OR1J2: variants seen among roughly 807,000 people sequenced by gnomAD.
OR1J2 encodes olfactory receptor 1J2.
For missense variants in OR1J2, 304 were observed against 246.1 expected (o/e 1.24, Z -1.57); for synonymous variants, 142 against 99.7 (o/e 1.42, Z -2.52).
downstream of OR1J2, among the ~76,000 whole-genome samples, chr9:122,512,894 TATA>T (rs1828656839): frequency 6.6e-6 from 1 of 152,194 alleles, no homozygotes; most frequent in Admixed American, 6.5e-5. Context: ...TCACGTGAGC[TATA>T]ATAACTCTAA....
chr9:122,516,593 G>A (rs1043032587), downstream of OR1J2, among the ~76,000 whole-genome samples: 9 of 152,112 alleles, frequency 5.9e-5, no homozygotes, highest in Admixed American at 1.3e-4. Context: ...GTGAGCCACC[G>A]CGCCCGGCCC....
the OR1J2 span, chr9:122,554,282 G>A: frequency 2.8e-5 from 19 of 688,762 alleles, no homozygotes; most frequent in African/African-American, 3.8e-4. Context: ...CTCTGAGTTA[G>A]GGATGTAAAA....
At chr9:122,542,944 T>G in the OR1J2 span, among the ~76,000 whole-genome samples, 4 of 152,252 alleles carry the variant, frequency 2.6e-5, no homozygotes, top group African/African-American at 9.6e-5. Context: ...TGTATGTCAG[T>G]AACGTATGTT....
chr9:122,526,597 C>T, the OR1J2 span: 14 of 1,614,036 alleles, frequency 8.7e-6, no homozygotes, highest in South Asian at 1.3e-4. Flanking sequence ...AAGGCCTTGC[C>T]CACCCCACCA....
At chr9:122,516,343 G>A (rs1828699653), downstream of OR1J2, among the ~76,000 whole-genome samples, 1 of 124,788 alleles carries the variant, frequency 8.0e-6, no homozygotes, top group Non-Finnish European at 1.6e-5. Flanking sequence ...TCGCTCTGTC[G>A]CCCAGGCTGG....
chr9:122,557,564 A>G, the OR1J2 span, among the ~76,000 whole-genome samples: 2 of 152,002 alleles, frequency 1.3e-5, no homozygotes, highest in African/African-American at 4.8e-5. Flanking sequence ...TCCCACTTGG[A>G]TATGGTGTAT....
chr9:122,544,680 A>T, the OR1J2 span, among the ~76,000 whole-genome samples: 1 of 152,116 alleles, frequency 6.6e-6, no homozygotes, highest in Non-Finnish European at 1.5e-5. Flanking sequence ...CGGCCTCCCA[A>T]AGCAAAATAT....
the OR1J2 span, among the ~76,000 whole-genome samples, chr9:122,467,722 C>T: frequency 1.3e-5 from 2 of 152,122 alleles, no homozygotes; most frequent in Admixed American, 1.3e-4. Context: ...TTCTCTGTAC[C>T]AGTCTTTGGA....
At chr9:122,572,468 A>G in the OR1J2 span, among the ~76,000 whole-genome samples, 1 of 152,196 alleles carries the variant, frequency 6.6e-6, no homozygotes, top group Non-Finnish European at 1.5e-5. Context: ...TCACGGGGAA[A>G]AAGGAAGAAG....
At chr9:122,533,382 T>C in the OR1J2 span, among the ~76,000 whole-genome samples, 2 of 152,110 alleles carry the variant, frequency 1.3e-5, no homozygotes, top group African/African-American at 4.8e-5. Context: ...AGATGGGATA[T>C]TGGCATTGAG....
the OR1J2 span, among the ~76,000 whole-genome samples, chr9:122,470,064 C>T: frequency 6.6e-6 from 1 of 152,204 alleles, no homozygotes; most frequent in African/African-American, 2.4e-5. Flanking sequence ...GAAATTCAAG[C>T]TGGCTGCAGA....
At chr9:122,526,134 A>G in the OR1J2 span, among the ~76,000 whole-genome samples, 1 of 152,212 alleles carries the variant, frequency 6.6e-6, no homozygotes, top group African/African-American at 2.4e-5. Context: ...ACTGTTATTC[A>G]CTACTATACT....
the OR1J2 span, among the ~76,000 whole-genome samples, chr9:122,536,020 G>T: frequency 6.6e-6 from 1 of 152,176 alleles, no homozygotes; most frequent in African/African-American, 2.4e-5. Context: ...ATCAGTGAAG[G>T]CAGGAACAGG....
Position 122,511,224 on chromosome 9 carries a change from T to A in OR1J2, c.423T>A (p.Cys141Ter), listed in dbSNP as rs553466679. The A allele has an allele frequency of 1.3e-6, 1 of 752,752 alleles. No homozygotes were observed. The highest frequency in any genetic ancestry group is 2.5e-6 in the Non-Finnish European group (1 of 405,642). 46.6% of individuals were successfully genotyped at this position (752,752 alleles called of 1,614,324 possible). A position where few individuals can be genotyped will look rare whatever the true frequency, so the allele number is the denominator to read the frequency against. Residue 141 changes from cysteine to a stop codon, truncating the protein, a stop_gained, in exon 1 of 1, where the codon TGT (cysteine) becomes TGA (stop). Coordinates refer to ENST00000335302, the MANE Select transcript of OR1J2 (RefSeq NM_054107.1). LOFTEE classifies it low-confidence loss of function (END_TRUNC). The part of the protein sequence containing the change: ...HYTVIMREEL[C>*]VFLVAVSWIL... ...CTGTCATCATGAGGGAAGAGCTCTG[T>A]GTCTTCTTAGTGGCTGTATCTTGGA...
the OR1J2 span, among the ~76,000 whole-genome samples, chr9:122,544,337 G>GT: frequency 1.3e-5 from 2 of 149,572 alleles, no homozygotes; most frequent in African/African-American, 4.9e-5. Flanking sequence ...TCTGCACTAG[G>GT]TTTTAAAAGC....
the OR1J2 span, among the ~76,000 whole-genome samples, chr9:122,579,296 G>A: frequency 0.14 from 20,625 of 151,694 alleles, 1,507 homozygotes; most frequent in Middle Eastern, 0.2. Context: ...TTTTAATTGA[G>A]TTATATTTAA....
chr9:122,477,862 T>C, the OR1J2 span: 1 of 1,613,744 alleles, frequency 6.2e-7, no homozygotes, highest in Non-Finnish European at 8.5e-7. Context: ...GGCCTGCTGC[T>C]CTGGCCGGAT....
upstream of OR1J2, among the ~76,000 whole-genome samples, chr9:122,507,982 G>T (rs1828558596): frequency 6.6e-6 from 1 of 152,050 alleles, no homozygotes; most frequent in African/African-American, 2.4e-5. Flanking sequence ...TAAGAGACCT[G>T]CTATGGACAA....
At chr9:122,575,698 TG>T in the OR1J2 span, among the ~76,000 whole-genome samples, 1 of 152,194 alleles carries the variant, frequency 6.6e-6, no homozygotes, top group Non-Finnish European at 1.5e-5. Flanking sequence ...GAGAGTAAAG[TG>T]GTTATTATTA....
Sources: gnomAD v4.1 joint callset for allele counts (sites outside exome capture counted in the v4.1 genomes callset) on GRCh38, gnomAD v4.1.1 for gene constraint, MANE v1.5 for transcripts, NCBI Gene and HGNC (gene_info 2026-07-23, HGNC 2026-07-21) for gene names.